The following IRF2 variants were observed in gnomAD, a reference collection of about 807,000 sequenced individuals.
The protein encoded by IRF2 is interferon regulatory factor 2.
In IRF2, 15 loss-of-function variants were observed where a neutral mutation model predicts 40.6. That is an observed-to-expected ratio of 0.37 (90% CI 0.25 to 0.57). The LOEUF (loss-of-function observed/expected upper bound fraction) is 0.57. IRF2 is among the 20% of genes least tolerant of loss of function. IRF2 has a pLI of 0.77. For missense variants in IRF2, 317 were observed against 455.7 expected, an observed-to-expected ratio of 0.70 and a Z score of 2.77; for synonymous variants, 151 against 165.5, an observed-to-expected ratio of 0.91 and a Z score of 0.67.
At chr4:184,426,863 G>A (rs1195495396) in intron 2 of IRF2, among the ~76,000 whole-genome samples, 1 of 152,190 alleles carries the variant, frequency 6.6e-6, no homozygotes, top group East Asian at 1.9e-4. Flanking sequence ...AAACAGTAAT[G>A]CTACCTTGTT....
intron 6 of IRF2, chr4:184,407,340 AGCAG>A: frequency 1.0e-6 from 1 of 975,904 alleles, no homozygotes; most frequent in Non-Finnish European, 1.4e-6. Context: ...TTAAAGGGAA[AGCAG>A]GCTGAGGTCT....
chr4:184,431,710 G>C (rs894329199), intron 1 of IRF2, among the ~76,000 whole-genome samples: 9 of 152,184 alleles, frequency 5.9e-5, no homozygotes, highest in African/African-American at 2.2e-4. Context: ...AGCCTGACGT[G>C]CAGAAGTGCT....
intron 7 of IRF2, among the ~76,000 whole-genome samples, chr4:184,391,260 C>T (rs1407301625): frequency 6.6e-6 from 1 of 152,208 alleles, no homozygotes; most frequent in Non-Finnish European, 1.5e-5. Context: ...ATCTGGGGTG[C>T]TCCCCATGAT....
At chr4:184,446,913 G>A (rs1028483284) in intron 1 of IRF2, among the ~76,000 whole-genome samples, 4 of 151,978 alleles carry the variant, frequency 2.6e-5, no homozygotes, top group Non-Finnish European at 2.9e-5. Context: ...CCAAGATCGC[G>A]CCATTGCACT....
At chr4:184,432,551 T>C (rs1192865866) in intron 1 of IRF2, among the ~76,000 whole-genome samples, 2 of 152,106 alleles carry the variant, frequency 1.3e-5, no homozygotes, top group Admixed American at 1.3e-4. Flanking sequence ...GTGCTGTGAG[T>C]TCAATGCTCA....
At chr4:184,417,617 C>T (rs922701444) in intron 5 of IRF2, among the ~76,000 whole-genome samples, 1 of 152,212 alleles carries the variant, frequency 6.6e-6, no homozygotes, top group African/African-American at 2.4e-5. Flanking sequence ...ATGCACATCC[C>T]ATGGAAAACC....
At chr4:184,445,510 C>T (rs977770012) in intron 1 of IRF2, among the ~76,000 whole-genome samples, 1 of 152,038 alleles carries the variant, frequency 6.6e-6, no homozygotes, top group Admixed American at 6.6e-5. Context: ...TATAAATTAG[C>T]TGGGCATGGT....
intron 1 of IRF2, among the ~76,000 whole-genome samples, chr4:184,461,673 C>G (rs1339231684): frequency 2.5e-5 from 3 of 117,864 alleles, no homozygotes; most frequent in Non-Finnish European, 5.1e-5. Context: ...GCTGAGCACT[C>G]TCCTCTACCC....
At position 184,448,314 on chromosome 4, in the gene IRF2, T is replaced by C. The variant is rs929648731; in HGVS notation, c.-6-19244A>G. ...TCGTCCTCCGTGCACCAGGATGGTATTAATAAGCACATGCATCAATCACTT... is the reference window on the plus strand; with the variant it reads ...TCGTCCTCCGTGCACCAGGATGGTACTAATAAGCACATGCATCAATCACTT... On this transcript the variant is annotated intron_variant, in intron 1 of 8. Transcript: ENST00000393593. The surrounding 1 kb of genome is among the most constrained non-coding windows in gnomAD (Gnocchi z 4.3). Among the ~76,000 whole-genome samples the C allele has an allele frequency of 6.6e-6, 1 of 152,192 alleles. No homozygotes were observed. Among genetic ancestry groups the C allele is most frequent in the African/African-American group, 2.4e-5 (1 of 41,430 alleles).
At chr4:184,425,390 G>A (rs1051903962) in intron 2 of IRF2, among the ~76,000 whole-genome samples, 2 of 152,232 alleles carry the variant, frequency 1.3e-5, no homozygotes, top group African/African-American at 4.8e-5. Context: ...GACCCCAGCC[G>A]AGGCCTGCAG....
intron 1 of IRF2, among the ~76,000 whole-genome samples, chr4:184,452,796 G>GAAAAAAA (rs1738771814): frequency 2.4e-5 from 2 of 82,806 alleles, no homozygotes; most frequent in African/African-American, 4.3e-5. Context: ...AAAAAAAAAA[G>GAAAAAAA]GGAAAGAAAG....
intron 1 of IRF2, among the ~76,000 whole-genome samples, chr4:184,465,478 G>C (rs1356663407): frequency 9.0e-6 from 1 of 111,474 alleles, no homozygotes; most frequent in East Asian, 2.4e-4. Flanking sequence ...ATACAAAAAT[G>C]TTTCAAGAAG....
chr4:184,450,584 A>G (rs1561122150), intron 1 of IRF2, among the ~76,000 whole-genome samples: 1 of 152,214 alleles, frequency 6.6e-6, no homozygotes, highest in Non-Finnish European at 1.5e-5. Flanking sequence ...ATTTAAAAGT[A>G]TTATTTCCTT....
At chr4:184,423,709 A>G (rs561888732) in intron 2 of IRF2, among the ~76,000 whole-genome samples, 4 of 152,296 alleles carry the variant, frequency 2.6e-5, no homozygotes, top group Non-Finnish European at 5.9e-5. Context: ...TCCTCAAGAA[A>G]TGGCCCAGGG....
rs1156796198 is a variant in IRF2 at position 184,468,333 on chromosome 4, A to C, written c.-7+6046T>G. Among the ~76,000 whole-genome samples the C allele has an allele frequency of 2.0e-5, 3 of 152,114 alleles. No individual in the cohort carries two copies. The South Asian group carries it at 6.2e-4, about 32-fold the overall frequency. On this transcript the variant is annotated intron_variant, in intron 1 of 8. Coordinates refer to ENST00000393593, the MANE Select transcript of IRF2 (RefSeq NM_002199.4). ...GAAACCTCATCTCTACTAAAAATAC[A>C]AAAATTAGCCCGGCGTGGTGGCATA... is the stretch of plus-strand genomic sequence containing the variant.
At chr4:184,442,710 T>C (rs1738357330) in intron 1 of IRF2, among the ~76,000 whole-genome samples, 1 of 151,896 alleles carries the variant, frequency 6.6e-6, no homozygotes, top group African/African-American at 2.4e-5. Context: ...TATGGGGCCG[T>C]TTTGCTTCCC....
chr4:184,432,009 C>G (rs1737900814), intron 1 of IRF2: 1 of 152,194 alleles, frequency 6.6e-6, no homozygotes, highest in Non-Finnish European at 1.5e-5. Context: ...ACAGGCATCT[C>G]TCTGAAAGAC....
intron 2 of IRF2, among the ~76,000 whole-genome samples, chr4:184,425,778 C>G (rs1737647195): frequency 6.6e-6 from 1 of 152,190 alleles, no homozygotes; most frequent in Non-Finnish European, 1.5e-5. Flanking sequence ...ATCAGAAAAA[C>G]ATGGACAAAA....
intron 1 of IRF2, 105 bp from the exon 2 acceptor site, chr4:184,429,175 G>A (rs1316945496): frequency 6.3e-6 from 5 of 796,982 alleles, no homozygotes; most frequent in Non-Finnish European, 1.0e-5. Context: ...TCCTTTCCTG[G>A]GGCTGGGGAC....
Sources: allele counts gnomAD v4.1 joint callset (sites outside exome capture counted in the v4.1 genomes callset), GRCh38; gene constraint gnomAD v4.1.1; non-coding constraint Gnocchi (gnomAD v3.1); transcripts MANE v1.5; gene names NCBI Gene and HGNC (gene_info 2026-07-23, HGNC 2026-07-21).